GUCY1A2: variants seen among roughly 807,000 people sequenced by gnomAD.
GUCY1A2 encodes guanylate cyclase 1 soluble subunit alpha 2.
GUCY1A2 carries 27 observed loss-of-function variants against 63.5 expected under a neutral mutation model. The observed-to-expected ratio is 0.43, with a 90% CI of 0.31 to 0.59. The LOEUF is 0.59. GUCY1A2 is among the 20% of genes least tolerant of loss of function. The pLI is 0.11. For synonymous variants in GUCY1A2, 364 were observed against 343.5 expected (o/e 1.06, Z -0.66); for missense variants, 768 against 913.3 (o/e 0.84, Z 2.05).
intron 6 of GUCY1A2, among the ~76,000 whole-genome samples, chr11:106,754,683 C>T (rs1174207898): frequency 6.6e-6 from 1 of 152,152 alleles, no homozygotes; most frequent in African/African-American, 2.4e-5. Flanking sequence ...GTTGAACCAG[C>T]CTTGCAACCC....
At chr11:106,787,286 A>AC in intron 5 of GUCY1A2, among the ~76,000 whole-genome samples, 1 of 151,552 alleles carries the variant, frequency 6.6e-6, no homozygotes, top group Non-Finnish European at 1.5e-5. Context: ...AACCATCCCC[A>AC]CTTCGCCATG....
chr11:106,992,094 T>TA (rs2120157024), intron 1 of GUCY1A2, among the ~76,000 whole-genome samples: 1 of 152,330 alleles, frequency 6.6e-6, no homozygotes, highest in South Asian at 2.1e-4. Flanking sequence ...TCTAAGCATG[T>TA]AACCTTCAAC....
At chr11:106,999,946 T>C (rs1003577037) in intron 1 of GUCY1A2, among the ~76,000 whole-genome samples, 7 of 152,194 alleles carry the variant, frequency 4.6e-5, no homozygotes, top group African/African-American at 1.4e-4. Flanking sequence ...TCCTTCCATT[T>C]TTCCCTCACC....
chr11:106,888,325 C>T (rs1374423644), intron 4 of GUCY1A2, among the ~76,000 whole-genome samples: 2 of 151,336 alleles, frequency 1.3e-5, no homozygotes, highest in African/African-American at 2.4e-5. Flanking sequence ...ATTAGCCGGG[C>T]GTGGTGGCGG....
chr11:106,905,456 T>C (rs947012151), intron 4 of GUCY1A2, among the ~76,000 whole-genome samples: 3 of 152,132 alleles, frequency 2.0e-5, no homozygotes, highest in South Asian at 2.1e-4. Flanking sequence ...TCCAACATTA[T>C]GACCTCATTT....
intron 5 of GUCY1A2, among the ~76,000 whole-genome samples, chr11:106,790,929 T>A (rs2087221): frequency 0.017 from 2,571 of 152,318 alleles, 41 homozygotes; most frequent in South Asian, 0.051. Context: ...TTTGGAGATG[T>A]AAGTTGCACT....
intron 3 of GUCY1A2, among the ~76,000 whole-genome samples, chr11:106,968,664 G>T (rs1861156712): frequency 1.1e-5 from 1 of 94,702 alleles, no homozygotes; most frequent in Non-Finnish European, 2.2e-5. Flanking sequence ...GTCTTCTGTG[G>T]GGACCTACAC....
intron 4 of GUCY1A2, among the ~76,000 whole-genome samples, chr11:106,877,124 T>G (rs1859760919): frequency 6.6e-6 from 1 of 152,054 alleles, no homozygotes; most frequent in African/African-American, 2.4e-5. Context: ...GGCTTTCAGC[T>G]TGACTACTGT....
At chr11:106,992,223 GTTA>G (rs1006965657) in intron 1 of GUCY1A2, among the ~76,000 whole-genome samples, 33 of 151,178 alleles carry the variant, frequency 2.2e-4, no homozygotes, top group African/African-American at 8.0e-4. Context: ...TCAGACTGGT[GTTA>G]TTATCACTAA....
In GUCY1A2 at chr11:106,942,030, C is replaced by A. The variant is rs560994665; in HGVS notation, c.488-1852G>T. The stretch of plus-strand genomic sequence containing the variant: ...TTGCATTCACTAACAATAATGTCAG[C>A]CAGAATAGACAATAATAGTACTTAT... On this transcript the variant is annotated intron_variant, in intron 3 of 7. Transcript: ENST00000526355. 7.2e-5 allele frequency among the ~76,000 whole-genome samples: 11 copies of A among 152,226 alleles called. No homozygotes were observed. In the East Asian group the frequency reaches 1.7e-3, roughly 24 times the overall value.
chr11:106,767,296 A>T (rs192908980), intron 6 of GUCY1A2, among the ~76,000 whole-genome samples: 11 of 152,240 alleles, frequency 7.2e-5, no homozygotes, highest in Admixed American at 3.9e-4. Flanking sequence ...AAATCAAACT[A>T]AGCAATTTTG....
intron 7 of GUCY1A2, among the ~76,000 whole-genome samples, chr11:106,689,828 T>C (rs954433673): frequency 2.0e-5 from 3 of 151,434 alleles, no homozygotes; most frequent in Non-Finnish European, 3.0e-5. Flanking sequence ...CCCATCTTTA[T>C]TAAAAATACA....
In GUCY1A2 at chr11:106,980,403, G is replaced by C. The variant is rs557729903; in HGVS notation, c.366-1663C>G. ...AGTGAGGGCATGACAGCCAAGAGAG[G>C]ACTGCTACAACCCCAATGAAATTTT... On this transcript the variant is annotated intron_variant, in intron 2 of 7. Coordinates refer to ENST00000526355, the MANE Select transcript of GUCY1A2 (RefSeq NM_000855.3). Among the ~76,000 whole-genome samples the C allele has an allele frequency of 2.0e-5, 3 of 152,280 alleles. No homozygotes were observed. The South Asian group carries it at 6.2e-4, about 32-fold the overall frequency.
intron 5 of GUCY1A2, among the ~76,000 whole-genome samples, chr11:106,794,076 C>A (rs987671302): frequency 2.6e-5 from 4 of 151,900 alleles, no homozygotes; most frequent in Non-Finnish European, 5.9e-5. Flanking sequence ...TTCAAAATAG[C>A]CAAGATGTAA....
intron 7 of GUCY1A2, among the ~76,000 whole-genome samples, chr11:106,697,335 CA>C (rs1233745053): frequency 9.9e-5 from 15 of 152,194 alleles, no homozygotes; most frequent in Non-Finnish European, 2.1e-4. Context: ...GTGTTTCACA[CA>C]AAAGAGCAGT....
chr11:106,970,106 T>C (rs934964517), intron 3 of GUCY1A2, among the ~76,000 whole-genome samples: 2 of 152,288 alleles, frequency 1.3e-5, no homozygotes, highest in East Asian at 3.9e-4. Context: ...TGGCTGTTGA[T>C]AGTGTTGAAA....
In GUCY1A2 at chr11:106,674,307, G is replaced by A. The variant is rs1862310059; in HGVS notation, c.*13242C>T. ...CGAATAATAACAAATAAAAGAATGA[G>A]TAAAAAGTGGTGTTACATGAAAATC... On this transcript the variant is annotated 3_prime_UTR_variant, in exon 8 of 8. Transcript: ENST00000526355. 1 of 180,112 alleles carries A rather than the reference G, an allele frequency of 5.6e-6. No individual in the cohort carries two copies. Among genetic ancestry groups the A allele is most frequent in the African/African-American group, 2.4e-5 (1 of 42,394 alleles). The allele number at this position is 180,112 out of a possible 1,614,324, so 11.2% of individuals were successfully genotyped here. A position where few individuals can be genotyped will look rare whatever the true frequency, so the allele number is the denominator to read the frequency against.
intron 5 of GUCY1A2, among the ~76,000 whole-genome samples, chr11:106,794,004 CA>C (rs1366180051): frequency 2.0e-5 from 3 of 152,022 alleles, no homozygotes; most frequent in African/African-American, 7.2e-5. Flanking sequence ...GATACATATC[CA>C]AAGGAAATGA....
intron 4 of GUCY1A2, among the ~76,000 whole-genome samples, chr11:106,921,592 C>T (rs1860445132): frequency 6.6e-6 from 1 of 151,904 alleles, no homozygotes; most frequent in Admixed American, 6.6e-5. Context: ...ATTGTCCACT[C>T]ATCGATGGCC....
Sources: gnomAD v4.1 joint callset for allele counts (sites outside exome capture counted in the v4.1 genomes callset) on GRCh38, gnomAD v4.1.1 for gene constraint, MANE v1.5 for transcripts, NCBI Gene and HGNC (gene_info 2026-07-23, HGNC 2026-07-21) for gene names.